Variants in ADGRA3 observed in about 807,000 individuals in gnomAD.
The protein encoded by ADGRA3 is adhesion G protein-coupled receptor A3.
In ADGRA3, 56 loss-of-function variants were observed where a neutral mutation model predicts 119.8. The ratio of observed to expected loss-of-function variants is 0.47; its 90% confidence interval spans 0.38 to 0.58. The LOEUF (loss-of-function observed/expected upper bound fraction) is 0.58. Among genes scored for constraint, ADGRA3 ranks in the 20% least tolerant of loss-of-function variants. The pLI is 0.00. For missense variants in ADGRA3, 1,516 were observed against 1,649.0 expected (o/e 0.92, Z 1.40); for synonymous variants, 607 against 623.8 (o/e 0.97, Z 0.40).
At chr4:22,485,228 T>C (rs1577376772) in intron 1 of ADGRA3, among the ~76,000 whole-genome samples, 1 of 152,118 alleles carries the variant, frequency 6.6e-6, no homozygotes, top group South Asian at 2.1e-4. Context: ...ATCATAGACA[T>C]GGGCCACCAT....
intron 14 of ADGRA3, among the ~76,000 whole-genome samples, chr4:22,404,662 A>C (rs984402813): frequency 1.3e-5 from 2 of 152,210 alleles, no homozygotes; most frequent in Non-Finnish European, 2.9e-5. Context: ...TCTGTAAATT[A>C]AGTACACAAA....
intron 1 of ADGRA3, among the ~76,000 whole-genome samples, chr4:22,495,313 C>G (rs1278229120): frequency 6.6e-6 from 1 of 152,040 alleles, no homozygotes; most frequent in Non-Finnish European, 1.5e-5. Context: ...GTGGCGCACA[C>G]CTATAATCCC....
At chr4:22,401,052 C>G (rs899539427) in intron 16 of ADGRA3, among the ~76,000 whole-genome samples, 1 of 151,562 alleles carries the variant, frequency 6.6e-6, no homozygotes, top group Non-Finnish European at 1.5e-5. Flanking sequence ...ATGATTAACT[C>G]TTTTTCTAAT....
At position 22,413,345 on chromosome 4, in the gene ADGRA3, A is replaced by G. The variant is rs775106705; in HGVS notation, c.2069T>C (p.Leu690Pro). Residue 690 changes from leucine to proline, a missense_variant, in exon 14 of 19, where the codon CTG (leucine) becomes CCG (proline). By Grantham distance (98) the Leu-to-Pro change is moderately conservative. Around this residue, in one of 2 missense-constraint regions of ADGRA3, gnomAD observed 1,088 missense variants for 1,107.1 expected, o/e 0.98. Coordinates refer to ENST00000334304, the MANE Select transcript of ADGRA3 (RefSeq NM_145290.4). ...DTHHIPVNVT[L>P]RRIAHGADAV... is the part of the protein sequence containing the mutation. ...ATCTGCTCCATGTGCAATTCGACGC[A>G]GTGTCACATTAACAGGGATGTGGTG... is the stretch of plus-strand genomic sequence containing the variant. 2.5e-5 allele frequency: 40 copies of G among 1,614,000 alleles called. No homozygotes were observed. Among genetic ancestry groups the G allele is most frequent in the Non-Finnish European group, 3.3e-5 (39 of 1,179,974 alleles).
At chr4:22,391,275 C>G (rs149674903) in intron 17 of ADGRA3, among the ~76,000 whole-genome samples, 10 of 152,092 alleles carry the variant, frequency 6.6e-5, no homozygotes, top group Non-Finnish European at 2.9e-5. Flanking sequence ...CAAGAAAGTA[C>G]TGAGGAGCCT....
At chr4:22,406,058 A>C (rs529222678) in intron 14 of ADGRA3, among the ~76,000 whole-genome samples, 3 of 152,290 alleles carry the variant, frequency 2.0e-5, no homozygotes, top group African/African-American at 7.2e-5. Context: ...GAGTGAAAAC[A>C]TGCACTATTT....
At chr4:22,464,096 C>T (rs552926676) in intron 2 of ADGRA3, among the ~76,000 whole-genome samples, 3 of 152,096 alleles carry the variant, frequency 2.0e-5, no homozygotes, top group Admixed American at 6.6e-5. Flanking sequence ...CTAAATAAAA[C>T]CAAACTCCCT....
chr4:22,512,210 C>A (rs183809810), intron 1 of ADGRA3, among the ~76,000 whole-genome samples: 9 of 152,088 alleles, frequency 5.9e-5, no homozygotes, highest in African/African-American at 1.7e-4. Context: ...CCACAGTGAT[C>A]TTTTTCCTCT....
At chr4:22,391,389 A>T (rs1188566176) in intron 17 of ADGRA3, among the ~76,000 whole-genome samples, 1 of 151,980 alleles carries the variant, frequency 6.6e-6, no homozygotes, top group Non-Finnish European at 1.5e-5. Flanking sequence ...AAGGCACGCT[A>T]GCTAGCTAGA....
chr4:22,515,477 G>A (rs373464024), intron 1 of ADGRA3, 51 bp downstream of exon 1: 20 of 1,576,908 alleles, frequency 1.3e-5, no homozygotes, highest in Non-Finnish European at 1.3e-5. Context: ...TGAGCGGAGA[G>A]ATAAGAAAGA....
intron 1 of ADGRA3, among the ~76,000 whole-genome samples, chr4:22,485,715 T>C (rs16872739): frequency 0.028 from 4,328 of 152,292 alleles, 67 homozygotes; most frequent in Middle Eastern, 0.068. Context: ...AGAAACCTCA[T>C]ATCCGTGGAG....
At chr4:22,510,009 C>CAAAAA (rs545010218) in intron 1 of ADGRA3, among the ~76,000 whole-genome samples, 1 of 98,874 alleles carries the variant, frequency 1.0e-5, no homozygotes, top group Non-Finnish European at 1.9e-5. Flanking sequence ...GACTCCGTCT[C>CAAAAA]AAAAAAAAAA....
chr4:22,490,105 T>C (rs1718571117), intron 1 of ADGRA3, among the ~76,000 whole-genome samples: 1 of 152,224 alleles, frequency 6.6e-6, no homozygotes. Context: ...TATTTAGCAG[T>C]GTCATAAATA....
intron 15 of ADGRA3, among the ~76,000 whole-genome samples, chr4:22,402,129 A>C (rs1228505577): frequency 1.3e-5 from 2 of 152,272 alleles, no homozygotes; most frequent in East Asian, 3.9e-4. Flanking sequence ...TGTAAAGCGA[A>C]TTTCTGCTTA....
At chr4:22,392,986 G>T in intron 16 of ADGRA3, 1 of 236,302 alleles carries the variant, frequency 4.2e-6, no homozygotes, top group South Asian at 1.4e-4. Flanking sequence ...AACCAAAAGT[G>T]TGTTTTTCAT....
chr4:22,438,656 C>T (rs1220321413), intron 7 of ADGRA3, among the ~76,000 whole-genome samples: 1 of 152,034 alleles, frequency 6.6e-6, no homozygotes, highest in African/African-American at 2.4e-5. Flanking sequence ...ACATATGAAT[C>T]AAATGCAATG....
intron 2 of ADGRA3, among the ~76,000 whole-genome samples, chr4:22,471,321 G>A (rs1717851879): frequency 1.3e-5 from 2 of 152,190 alleles, no homozygotes; most frequent in Non-Finnish European, 2.9e-5. Context: ...GAGCGGGGAA[G>A]ATGGGAGGAG....
intron 10 of ADGRA3, among the ~76,000 whole-genome samples, chr4:22,432,842 C>G (rs1460014380): frequency 6.6e-6 from 1 of 152,130 alleles, no homozygotes; most frequent in Non-Finnish European, 1.5e-5. Context: ...GATTAAAAAG[C>G]AATTCCCCCA....
intron 2 of ADGRA3, 65 bp from the exon 3 acceptor site, chr4:22,461,873 A>C: frequency 1.0e-6 from 1 of 985,608 alleles, no homozygotes; most frequent in Non-Finnish European, 1.6e-6. Flanking sequence ...GGCACAATAC[A>C]CTTACCTGCT....
Sources: gnomAD v4.1 joint callset for allele counts (sites outside exome capture counted in the v4.1 genomes callset) on GRCh38, gnomAD v4.1.1 for gene constraint, gnomAD v4.1.1 regional missense constraint, MANE v1.5 for transcripts, NCBI Gene and HGNC (gene_info 2026-07-23, HGNC 2026-07-21) for gene names.